The following NLGN1 variants were observed in gnomAD, a reference collection of about 807,000 sequenced individuals.
NLGN1 encodes neuroligin 1, also known as neuroligin-1.
A neutral mutation model predicts 65.5 loss-of-function variants in NLGN1; 12 were observed. The ratio of observed to expected loss-of-function variants is 0.18; its 90% CI spans 0.12 to 0.30. NLGN1 has a LOEUF of 0.30. Ranked by LOEUF, NLGN1 falls within the 10% of genes least tolerant of loss-of-function variation. The probability of loss-of-function intolerance (pLI) is 1.00; values close to 1 mark genes in which losing one functional copy is unlikely to be tolerated. For missense variants in NLGN1, 750 were observed against 1,007.1 expected, an observed-to-expected ratio of 0.74 and a Z score of 3.46; for synonymous variants, 350 against 359.5, an observed-to-expected ratio of 0.97 and a Z score of 0.30.
intron 4 of NLGN1, among the ~76,000 whole-genome samples, chr3:174,247,072 T>G (rs552687593): frequency 2.4e-4 from 36 of 152,348 alleles, no homozygotes; most frequent in African/African-American, 8.7e-4. Context: ...TGATACATCT[T>G]AAGCATTCTC....
At chr3:173,419,570 A>T (rs565685362) in intron 1 of NLGN1, among the ~76,000 whole-genome samples, 1 of 152,244 alleles carries the variant, frequency 6.6e-6, no homozygotes, top group Non-Finnish European at 1.5e-5. Context: ...CAAGATGGTG[A>T]TACTCCTGCT....
chr3:174,007,567 C>T (rs1724690422), intron 4 of NLGN1, among the ~76,000 whole-genome samples: 3 of 152,082 alleles, frequency 2.0e-5, no homozygotes, highest in African/African-American at 7.2e-5. Flanking sequence ...GGGTTATAGC[C>T]AATGATGTAC....
At chr3:173,407,387 AT>A (rs1329593355) in intron 1 of NLGN1, among the ~76,000 whole-genome samples, 2 of 152,130 alleles carry the variant, frequency 1.3e-5, no homozygotes, top group Non-Finnish European at 2.9e-5. Flanking sequence ...GAAAAAAATG[AT>A]TTGCTTGTTT....
intron 2 of NLGN1, among the ~76,000 whole-genome samples, chr3:173,532,908 A>G (rs1019475822): frequency 5.9e-5 from 9 of 152,194 alleles, no homozygotes; most frequent in African/African-American, 2.2e-4. Flanking sequence ...TGGAGCAACC[A>G]TATTCTAAAG....
At chr3:173,959,002 G>A (rs1185724321) in intron 4 of NLGN1, among the ~76,000 whole-genome samples, 1 of 152,224 alleles carries the variant, frequency 6.6e-6, no homozygotes, top group Non-Finnish European at 1.5e-5. Flanking sequence ...TCAGGAGCAG[G>A]GAGAGGCCAG....
At chr3:174,201,346 T>TGAAGGAAG (rs750062965) in intron 4 of NLGN1, among the ~76,000 whole-genome samples, 14 of 27,658 alleles carry the variant, frequency 5.1e-4, no homozygotes, top group Non-Finnish European at 9.3e-4. Context: ...GTGGGAGGAA[T>TGAAGGAAG]GAAGGAAGGA....
intron 4 of NLGN1, among the ~76,000 whole-genome samples, chr3:174,031,159 GCTTCTCCACACCAGTTC>G (rs1338541662): frequency 6.6e-6 from 1 of 152,120 alleles, no homozygotes; most frequent in African/African-American, 2.4e-5. Flanking sequence ...GTCCTAGAAG[GCTTCTCCACACCAGTTC>G]CTTCTCCACA....
chr3:173,411,361 C>T (rs897121968), intron 1 of NLGN1, among the ~76,000 whole-genome samples: 3 of 152,124 alleles, frequency 2.0e-5, no homozygotes, highest in African/African-American at 7.2e-5. Flanking sequence ...GAAGTTTTGC[C>T]AGCTTCCTTC....
intron 3 of NLGN1, among the ~76,000 whole-genome samples, chr3:173,617,356 A>G (rs1753270070): frequency 1.3e-5 from 2 of 152,188 alleles, no homozygotes; most frequent in South Asian, 4.1e-4. Context: ...TGCTATATCT[A>G]TAGCATTCAC....
At chr3:173,486,581 G>A (rs182749722) in intron 2 of NLGN1, among the ~76,000 whole-genome samples, 32 of 152,200 alleles carry the variant, frequency 2.1e-4, no homozygotes, top group Admixed American at 4.6e-4. Context: ...GTACCACCCT[G>A]ATTTACTTCT....
intron 4 of NLGN1, among the ~76,000 whole-genome samples, chr3:174,160,475 G>T: frequency 6.6e-6 from 1 of 151,530 alleles, no homozygotes; most frequent in Admixed American, 6.6e-5. Flanking sequence ...TTACAATAAA[G>T]AATATGTTTC....
chr3:173,800,020 TA>T (rs34809469), intron 3 of NLGN1, among the ~76,000 whole-genome samples: 95,072 of 140,994 alleles, frequency 0.67, 32,258 homozygotes, highest in Non-Finnish European at 0.75. Flanking sequence ...TTTTTTTTTT[TA>T]AAAGTCTTTG....
At chr3:173,532,617 A>C (rs1019548921) in intron 2 of NLGN1, among the ~76,000 whole-genome samples, 7 of 152,222 alleles carry the variant, frequency 4.6e-5, no homozygotes, top group Non-Finnish European at 1.0e-4. Flanking sequence ...AGTCCGATAG[A>C]GTAGTCACTA....
In NLGN1 at chr3:174,098,112, T is replaced by G. The variant is rs150706644; in HGVS notation, c.647-177203T>G. Among the ~76,000 whole-genome samples the G allele has an allele frequency of 3.2e-4, 49 of 152,262 alleles. No individual in the cohort carries two copies. The East Asian group carries it at 8.7e-3, about 27-fold the overall frequency. On this transcript the variant is annotated intron_variant, in intron 4 of 6. Transcript: ENST00000457714. Reference sequence around the variant, plus strand: ...TATACAGGAAAAATAAAAAGGAAATTTACATACAAATCACCTTCATAATGT... The same window carrying G: ...TATACAGGAAAAATAAAAAGGAAATGTACATACAAATCACCTTCATAATGT...
chr3:174,076,983 G>T lies in NLGN1; in HGVS notation c.647-198332G>T, dbSNP rs1271658662. Among the ~76,000 whole-genome samples the T allele has an allele frequency of 2.0e-5, 3 of 152,068 alleles. No homozygotes were observed. The South Asian group carries it at 6.2e-4, about 31-fold the overall frequency. On this transcript the variant is annotated intron_variant, in intron 4 of 6. Coordinates refer to ENST00000457714, the Ensembl canonical transcript of NLGN1. Reference sequence around the variant, plus strand: ...TTTCTCCTATCCAAAGCAGCTCCAAGTATGTTCAGCTTGTGAACAATTAAC... The same window carrying T: ...TTTCTCCTATCCAAAGCAGCTCCAATTATGTTCAGCTTGTGAACAATTAAC...
chr3:174,163,442 C>G (rs548976314), intron 4 of NLGN1, among the ~76,000 whole-genome samples: 9 of 151,826 alleles, frequency 5.9e-5, no homozygotes, highest in Non-Finnish European at 1.3e-4. Flanking sequence ...TCTTTTCCAA[C>G]TTTTATTTTA....
At chr3:173,537,626 A>G (rs1298213163) in intron 2 of NLGN1, among the ~76,000 whole-genome samples, 2 of 152,134 alleles carry the variant, frequency 1.3e-5, no homozygotes, top group Admixed American at 1.3e-4. Context: ...ACTTTCTTCT[A>G]CTATGCATTC....
At chr3:173,492,994 A>C (rs1333146540) in intron 2 of NLGN1, among the ~76,000 whole-genome samples, 4 of 151,784 alleles carry the variant, frequency 2.6e-5, no homozygotes, top group Non-Finnish European at 4.4e-5. Flanking sequence ...GTGGCCCCTG[A>C]AACATATTAT....
At chr3:174,080,520 C>T (rs1741940471) in intron 4 of NLGN1, among the ~76,000 whole-genome samples, 1 of 152,134 alleles carries the variant, frequency 6.6e-6, no homozygotes, top group South Asian at 2.1e-4. Context: ...TTACTTCTCA[C>T]CTGATTCTTC....
Sources: allele counts gnomAD v4.1 joint callset (sites outside exome capture counted in the v4.1 genomes callset), GRCh38; gene constraint gnomAD v4.1.1; transcripts MANE v1.5; gene names NCBI Gene and HGNC (gene_info 2026-07-23, HGNC 2026-07-21).